Variants in XKR6 observed in about 807,000 individuals in gnomAD.
XKR6 encodes XK related 6, also known as XK-related protein 6.
In XKR6, 22 loss-of-function variants were observed where a neutral mutation model predicts 56.7. That is an observed-to-expected ratio of 0.39 (90% CI 0.28 to 0.55). XKR6 has a LOEUF of 0.55. Among genes scored for constraint, XKR6 ranks in the 20% least tolerant of loss-of-function variants. The pLI is 0.66. For synonymous variants in XKR6, 524 were observed against 387.8 expected (o/e 1.35, Z -4.13); for missense variants, 852 against 889.0 (o/e 0.96, Z 0.53).
intron 1 of XKR6, among the ~76,000 whole-genome samples, chr8:11,188,708 C>A (rs1000082743): frequency 1.3e-5 from 2 of 152,164 alleles, no homozygotes; most frequent in Non-Finnish European, 2.9e-5. Flanking sequence ...TATGACCAAA[C>A]AAAATGACAG....
At chr8:10,959,907 G>C (rs539044808) in intron 1 of XKR6, among the ~76,000 whole-genome samples, 1 of 152,188 alleles carries the variant, frequency 6.6e-6, no homozygotes, top group Non-Finnish European at 1.5e-5. Context: ...TCTGTGACCA[G>C]GGCTGGAACT....
intron 1 of XKR6, among the ~76,000 whole-genome samples, chr8:10,976,613 C>T (rs1442123119): frequency 5.9e-5 from 9 of 152,202 alleles, no homozygotes; most frequent in African/African-American, 2.2e-4. Context: ...GTGAGAAAGA[C>T]AGTCTCCACG....
At chr8:11,026,239 C>T (rs958031245) in intron 1 of XKR6, among the ~76,000 whole-genome samples, 1 of 151,838 alleles carries the variant, frequency 6.6e-6, no homozygotes, top group Non-Finnish European at 1.5e-5. Context: ...CTACTACACA[C>T]CTAGATAGTC....
intron 1 of XKR6, among the ~76,000 whole-genome samples, chr8:11,083,311 C>T (rs1427297776): frequency 2.0e-5 from 3 of 152,174 alleles, no homozygotes; most frequent in Non-Finnish European, 4.4e-5. Context: ...TCCTGTTCCC[C>T]TACCTCCCCA....
chr8:11,011,370 T>G (rs1206697368), intron 1 of XKR6, among the ~76,000 whole-genome samples: 1 of 152,184 alleles, frequency 6.6e-6, no homozygotes, highest in African/African-American at 2.4e-5. Context: ...ACAGAGTGGA[T>G]AGGCTGTCAC....
intron 1 of XKR6, among the ~76,000 whole-genome samples, chr8:10,932,920 T>C (rs1399997769): frequency 6.9e-6 from 1 of 144,500 alleles, no homozygotes; most frequent in Non-Finnish European, 1.5e-5. Context: ...GCATGATTTA[T>C]AGTCATTTGG....
At chr8:11,032,379 G>A (rs1317256237) in intron 1 of XKR6, among the ~76,000 whole-genome samples, 1 of 152,226 alleles carries the variant, frequency 6.6e-6, no homozygotes, top group South Asian at 2.1e-4. Flanking sequence ...GAGCAAAGCT[G>A]TTTGTGGTGT....
chr8:11,106,275 C>T (rs1296809255), intron 1 of XKR6: 2 of 151,806 alleles, frequency 1.3e-5, no homozygotes, highest in African/African-American at 4.8e-5. Context: ...ATTGACGTGA[C>T]CACCTTCCCT....
chr8:11,169,606 T>G (rs930654432), intron 1 of XKR6, among the ~76,000 whole-genome samples: 1 of 152,176 alleles, frequency 6.6e-6, no homozygotes, highest in Non-Finnish European at 1.5e-5. Context: ...GAAATTAGCA[T>G]ACAGTTTATC....
chr8:10,946,778 G>A (rs944629600), intron 1 of XKR6, among the ~76,000 whole-genome samples: 9 of 152,150 alleles, frequency 5.9e-5, no homozygotes, highest in South Asian at 4.1e-4. Flanking sequence ...GAGGAGACAC[G>A]CCTCAGGAGC....
rs117744967 is a variant in XKR6 at position 10,991,792 on chromosome 8, G to C, written c.765-66962C>G. On this transcript the variant is annotated intron_variant, in intron 1 of 2. Coordinates refer to ENST00000416569, the MANE Select transcript of XKR6 (RefSeq NM_173683.4). Reference sequence around the variant, plus strand: ...TCTCAATTTTCTTGCCCCATTCTGTGTAAAACAGCATTTTTCTTTTTACAC... The same window carrying C: ...TCTCAATTTTCTTGCCCCATTCTGTCTAAAACAGCATTTTTCTTTTTACAC... Among the ~76,000 whole-genome samples the C allele has an allele frequency of 2.2e-4, 33 of 152,272 alleles. 1 individual carries two copies. In the East Asian group the frequency reaches 6.4e-3, roughly 29 times the overall value.
intron 1 of XKR6, among the ~76,000 whole-genome samples, chr8:11,141,216 T>C (rs1800680917): frequency 6.6e-6 from 1 of 152,220 alleles, no homozygotes; most frequent in African/African-American, 2.4e-5. Flanking sequence ...CTATGTGTAT[T>C]GTGGGACAAA....
At chr8:11,069,105 C>T (rs1425873810) in intron 1 of XKR6, among the ~76,000 whole-genome samples, 7 of 152,144 alleles carry the variant, frequency 4.6e-5, no homozygotes, top group Admixed American at 4.6e-4. Flanking sequence ...ACCGATACCA[C>T]AATCACTGCC....
At chr8:11,015,546 C>T (rs1337901593) in intron 1 of XKR6, among the ~76,000 whole-genome samples, 1 of 152,126 alleles carries the variant, frequency 6.6e-6, no homozygotes, top group Non-Finnish European at 1.5e-5. Context: ...GGGACGCTGG[C>T]AGAGAAAGCC....
chr8:11,040,329 C>T (rs1454783367), intron 1 of XKR6, among the ~76,000 whole-genome samples: 3 of 146,830 alleles, frequency 2.0e-5, no homozygotes, highest in African/African-American at 2.6e-5. Context: ...TGAGACCAGC[C>T]GGGGCAACAT....
chr8:10,921,398 G>A (rs756861058), intron 2 of XKR6, among the ~76,000 whole-genome samples: 6 of 152,334 alleles, frequency 3.9e-5, no homozygotes, highest in Non-Finnish European at 7.3e-5. Context: ...CCCATGGCGG[G>A]TGGTACCATG....
intron 1 of XKR6, among the ~76,000 whole-genome samples, chr8:10,944,690 G>C (rs553948984): frequency 6.6e-6 from 1 of 152,186 alleles, no homozygotes; most frequent in East Asian, 1.9e-4. Context: ...GGCTGGCTCC[G>C]AGAAACTTCT....
chr8:11,173,523 T>C (rs1311906966), intron 1 of XKR6, among the ~76,000 whole-genome samples: 1 of 151,922 alleles, frequency 6.6e-6, no homozygotes, highest in African/African-American at 2.4e-5. Context: ...TGGAATCTCT[T>C]TATTACGCGG....
chr8:10,962,908 C>A (rs1373266961), intron 1 of XKR6, among the ~76,000 whole-genome samples: 1 of 152,174 alleles, frequency 6.6e-6, no homozygotes, highest in Non-Finnish European at 1.5e-5. Context: ...CAGGCATGAG[C>A]CATCGCACCT....
Sources: gnomAD v4.1 joint callset for allele counts (sites outside exome capture counted in the v4.1 genomes callset) on GRCh38, gnomAD v4.1.1 for gene constraint, MANE v1.5 for transcripts, NCBI Gene and HGNC (gene_info 2026-07-23, HGNC 2026-07-21) for gene names.